Variants in CTSC observed in about 807,000 individuals in gnomAD.
The protein encoded by CTSC is dipeptidyl peptidase 1.
A neutral mutation model predicts 40.9 loss-of-function variants in CTSC; 37 were observed. The ratio of observed to expected loss-of-function variants is 0.91; its 90% CI spans 0.70 to 1.19. The LOEUF is 1.19. Ranked by LOEUF, CTSC falls within the 50% of genes most tolerant of loss-of-function variation. The pLI, the probability that CTSC is intolerant of heterozygous loss-of-function variation, is 0.00. For synonymous variants in CTSC, 232 were observed against 207.4 expected (o/e 1.12, Z -1.02); for missense variants, 594 against 567.3 (o/e 1.05, Z -0.48).
intron 3 of CTSC, 117 bp from the exon 4 acceptor site, chr11:88,309,435 T>C: frequency 1.1e-6 from 1 of 872,652 alleles, no homozygotes; most frequent in Non-Finnish European, 1.9e-6. Flanking sequence ...TTCAGGAAGG[T>C]AATTGGCAAT....
intron 5 of CTSC, 100 bp from the exon 6 acceptor site, chr11:88,296,364 G>T: frequency 7.1e-7 from 1 of 1,411,992 alleles, no homozygotes. Flanking sequence ...TGTTTATACT[G>T]AATGTTGTTG....
At chr11:88,308,060 G>A (rs868187499) in intron 4 of CTSC, among the ~76,000 whole-genome samples, 4 of 152,172 alleles carry the variant, frequency 2.6e-5, no homozygotes, top group African/African-American at 7.2e-5. Flanking sequence ...AGGTAGCGAC[G>A]AAAGAGATGG....
intron 2 of CTSC, among the ~76,000 whole-genome samples, chr11:88,316,206 A>G (rs1340425236): frequency 6.6e-6 from 1 of 152,202 alleles, no homozygotes; most frequent in East Asian, 1.9e-4. Flanking sequence ...ACAGAAAGAA[A>G]GAATAATGCC....
At chr11:88,316,050 C>G (rs1937870808) in intron 2 of CTSC, among the ~76,000 whole-genome samples, 1 of 151,886 alleles carries the variant, frequency 6.6e-6, no homozygotes, top group Non-Finnish European at 1.5e-5. Flanking sequence ...ACTCATGAGT[C>G]ACGTTCAAAT....
In CTSC at chr11:88,337,707, C is replaced by A; in HGVS notation, c.-35G>T. The A allele has an allele frequency of 6.4e-7, 1 of 1,553,000 alleles. No homozygotes were observed. Among genetic ancestry groups the A allele is most frequent in the South Asian group, 1.2e-5 (1 of 84,232 alleles). On this transcript the variant is annotated 5_prime_UTR_variant, in exon 1 of 7. Transcript: ENST00000227266. The stretch of plus-strand genomic sequence containing the variant: ...AGCTGAGAAAAGAGGTGAAGAATTA[C>A]CAGGAAGCCGAGCGCTGCGGGCTAG...
chr11:88,324,769 G>A, intron 2 of CTSC: 1 of 985,312 alleles, frequency 1.0e-6, no homozygotes, highest in Non-Finnish European at 1.2e-6. Context: ...AGAGAGCTGG[G>A]GAGGGTTTCA....
chr11:88,310,609 C>A (rs1423026438), intron 3 of CTSC, among the ~76,000 whole-genome samples: 2 of 152,042 alleles, frequency 1.3e-5, no homozygotes, highest in Admixed American at 1.3e-4. Context: ...TGAAAATAAT[C>A]AGAAAAACGT....
chr11:88,331,320 T>C (rs746386801), intron 2 of CTSC, among the ~76,000 whole-genome samples: 50 of 152,342 alleles, frequency 3.3e-4, no homozygotes, highest in Non-Finnish European at 6.0e-4. Context: ...GAACTTCTGA[T>C]GGACTGGCTT....
Position 88,337,539 on chromosome 11 carries a change from G to A in CTSC, c.134C>T (p.Ser45Phe), listed in dbSNP as rs1294281175. The change falls in exon 1 of 7, where the codon TCC becomes TTC. Residue 45 changes from serine (S) to phenylalanine (F), a missense_variant. By Grantham distance (155) the Ser-to-Phe change is radical (BLOSUM62 -2). Transcript: ENST00000227266. Reference protein sequence around the residue: ...LLGTWVFQVGSSGSQRDVNCS... With the variant: ...LLGTWVFQVGFSGSQRDVNCS... The stretch of plus-strand genomic sequence containing the variant: ...GTTGACATCGCGCTGGGAACCGCTG[G>A]AGCCCACCTGGAAGACCCAGGTGCC... The A allele has an allele frequency of 4.4e-6, 7 of 1,576,674 alleles. No homozygotes were observed. The Admixed American group carries it at 5.4e-5, about 12-fold the overall frequency.
At chr11:88,325,662 C>CA (rs1336069167) in intron 2 of CTSC, 1 of 984,798 alleles carries the variant, frequency 1.0e-6, no homozygotes, top group African/African-American at 1.8e-5. Context: ...TATAGTATGT[C>CA]AACTTCTTAG....
chr11:88,328,524 C>T (rs217064), intron 2 of CTSC, among the ~76,000 whole-genome samples: 121,330 of 152,224 alleles, frequency 0.8, 48,701 homozygotes, highest in East Asian at 1. Context: ...GAAACACAGG[C>T]GACATTTCTG....
At chr11:88,302,418 T>C (rs11603694) in intron 4 of CTSC, among the ~76,000 whole-genome samples, 9,858 of 151,994 alleles carry the variant, frequency 0.065, 417 homozygotes, top group Non-Finnish European at 0.096. Flanking sequence ...GGTCAGGAGA[T>C]TGAGACCATC....
At chr11:88,328,061 G>A (rs1272508227) in intron 2 of CTSC, 1 of 1,175,060 alleles carries the variant, frequency 8.5e-7, no homozygotes, top group Non-Finnish European at 1.3e-6. Context: ...ATCAGGAAGT[G>A]AGGAAGCTTG....
chr11:88,317,105 T>A (rs559558553), intron 2 of CTSC, among the ~76,000 whole-genome samples: 1 of 152,318 alleles, frequency 6.6e-6, no homozygotes, highest in East Asian at 1.9e-4. Context: ...TAGCTGGGAT[T>A]ACAGGCATGC....
At position 88,300,615 on chromosome 11, in the gene CTSC, T is replaced by G; in HGVS notation, c.672A>C (p.Ile224=). 1.2e-6 allele frequency: 2 copies of G among 1,613,244 alleles called. No homozygotes were observed. The highest frequency in any genetic ancestry group is 2.2e-5 in the South Asian group (2 of 91,052). ...RPKPAPLTAE[I]QQKILHLPTS... is the part of the protein sequence containing the mutation. ...TTGGCAAATGCAAAATCTTTTGCTGTATTTCAGCAGTCAGTGGTGCAGGTT... is the reference window on the plus strand; with the variant it reads ...TTGGCAAATGCAAAATCTTTTGCTGGATTTCAGCAGTCAGTGGTGCAGGTT... Residue 224 remains isoleucine (I), a synonymous_variant, in exon 5 of 7, where the codon ATA becomes ATC. Transcript: ENST00000227266.
In CTSC at chr11:88,309,414, T is replaced by C. The variant is rs966448499; in HGVS notation, c.486-96A>G. The C allele has an allele frequency of 3.2e-5, 34 of 1,051,466 alleles. 1 individual carries two copies. Among genetic ancestry groups the C allele is most frequent in the African/African-American group, 2.0e-4 (13 of 64,130 alleles). The allele number at this position is 1,051,466 out of a possible 1,614,324, so 65.1% of individuals were successfully genotyped here. On this transcript the variant is annotated intron_variant, in intron 3 of 6. Transcript: ENST00000227266. ...TCACACTCTGTGCCTAAGTGGAAAG[T>C]GGTACAATCTTTCAGGAAGGTAATT...
chr11:88,313,259 C>T (rs150600001), intron 2 of CTSC, among the ~76,000 whole-genome samples: 150 of 152,134 alleles, frequency 9.9e-4, no homozygotes, highest in African/African-American at 3.4e-3. Flanking sequence ...TTAGTAGAGA[C>T]GGGGTTTTGC....
At chr11:88,322,667 A>C (rs1271581989) in intron 2 of CTSC, 3 of 152,234 alleles carry the variant, frequency 2.0e-5, no homozygotes, top group Non-Finnish European at 4.4e-5. Flanking sequence ...TAGAAAATCT[A>C]GAAGAAATGG....
intron 2 of CTSC, chr11:88,326,274 T>C (rs1010376960): frequency 1.9e-6 from 3 of 1,588,226 alleles, no homozygotes; most frequent in Non-Finnish European, 1.7e-6. Flanking sequence ...AGGACTCCTT[T>C]GCATTTTGCA....
Sources: allele counts gnomAD v4.1 joint callset (sites outside exome capture counted in the v4.1 genomes callset), GRCh38; gene constraint gnomAD v4.1.1; transcripts MANE v1.5; gene names NCBI Gene and HGNC (gene_info 2026-07-23, HGNC 2026-07-21).